The following UTP4 variants were observed in gnomAD, a reference collection of about 807,000 sequenced individuals.
UTP4 encodes the protein UTP4 small subunit processome component.
In UTP4, 45 loss-of-function variants were observed where a neutral mutation model predicts 82.4. The observed-to-expected ratio is 0.55, with a 90% CI of 0.43 to 0.70. The LOEUF (loss-of-function observed/expected upper bound fraction) is 0.70. Among genes scored for constraint, UTP4 ranks in the 30% least tolerant of loss-of-function variants. UTP4 has a pLI of 0.00. For synonymous variants in UTP4, 348 were observed against 300.3 expected (o/e 1.16, Z -1.64); for missense variants, 819 against 858.3 (o/e 0.95, Z 0.57).
intron 6 of UTP4, 46 bp downstream of exon 6, chr16:69,143,435 G>A: frequency 1.3e-6 from 2 of 1,556,604 alleles, no homozygotes; most frequent in Admixed American, 3.4e-5. Flanking sequence ...ACCCTTGTGG[G>A]GTGAGTTGAG....
At chr16:69,163,431 A>G (rs1268171079) in intron 14 of UTP4, among the ~76,000 whole-genome samples, 2 of 152,044 alleles carry the variant, frequency 1.3e-5, no homozygotes, top group East Asian at 3.9e-4. Flanking sequence ...AGGGAGGAGG[A>G]ATTTTGAAGT....
At chr16:69,159,865 G>A (rs938701363) in intron 12 of UTP4, among the ~76,000 whole-genome samples, 2 of 151,970 alleles carry the variant, frequency 1.3e-5, no homozygotes, top group African/African-American at 4.8e-5. Flanking sequence ...GTGGGTGCCT[G>A]TAATCCCAGC....
At chr16:69,158,350 G>A (rs752927754) in intron 12 of UTP4, among the ~76,000 whole-genome samples, 1 of 151,194 alleles carries the variant, frequency 6.6e-6, no homozygotes, top group Non-Finnish European at 1.5e-5. Context: ...TTTTTGTAGA[G>A]ACAGGGTTTC....
intron 5 of UTP4, among the ~76,000 whole-genome samples, chr16:69,140,444 G>T (rs117573633): frequency 6.6e-6 from 1 of 152,084 alleles, no homozygotes; most frequent in Non-Finnish European, 1.5e-5. Context: ...GGCTGGGCGC[G>T]GTGGCTCATG....
chr16:69,146,697 C>T (rs977116299), intron 6 of UTP4, among the ~76,000 whole-genome samples: 12 of 151,124 alleles, frequency 7.9e-5, no homozygotes, highest in Admixed American at 2.6e-4. Flanking sequence ...CCTGTCTCTA[C>T]TAAAAATACA....
intron 6 of UTP4, among the ~76,000 whole-genome samples, chr16:69,144,329 G>A (rs1161857988): frequency 6.6e-6 from 1 of 152,020 alleles, no homozygotes; most frequent in African/African-American, 2.4e-5. Flanking sequence ...CTCCGAAGTA[G>A]GTGAGATTAC....
chr16:69,165,194 C>CAAA, intron 14 of UTP4, 147 bp from the exon 15 acceptor site: 20 of 590,472 alleles, frequency 3.4e-5, no homozygotes, highest in Non-Finnish European at 4.3e-5. Context: ...GACTCCATCT[C>CAAA]AAAAAAAAAA....
chr16:69,150,221 G>C (rs1337631826), intron 6 of UTP4, among the ~76,000 whole-genome samples: 1 of 152,102 alleles, frequency 6.6e-6, no homozygotes, highest in African/African-American at 2.4e-5. Context: ...TTCTTTCGAA[G>C]GATTTAAATT....
In UTP4 at chr16:69,165,484, T is replaced by C; in HGVS notation, c.1791T>C (p.Leu597=). Residue 597 remains leucine (L), a synonymous_variant, in exon 15 of 17, where the codon CTT becomes CTC. Transcript: ENST00000314423. ...ATCCCAAGAGACCGATGCACATCCT[T>C]CTCCATGATGCCTACATGTTCTGCA... ...SFHPKRPMHI[L]LHDAYMFCII... is the part of the protein sequence containing the mutation. 1 of 1,614,154 alleles carries C rather than the reference T, an allele frequency of 6.2e-7. No individual in the cohort carries two copies. The highest frequency in any genetic ancestry group is 1.1e-5 in the South Asian group (1 of 91,086).
chr16:69,138,064 G>A, intron 4 of UTP4, 179 bp downstream of exon 4: 6 of 597,470 alleles, frequency 1.0e-5, no homozygotes, highest in Admixed American at 9.1e-5. Context: ...TAGCATAGTT[G>A]TGACTGCTTG....
At chr16:69,135,280 C>G (rs899892060) in intron 2 of UTP4, among the ~76,000 whole-genome samples, 2 of 152,078 alleles carry the variant, frequency 1.3e-5, no homozygotes, top group African/African-American at 4.8e-5. Flanking sequence ...ATTTTCTTTT[C>G]TCCTTCATCT....
chr16:69,149,243 G>T (rs540360417), intron 6 of UTP4, among the ~76,000 whole-genome samples: 6 of 152,192 alleles, frequency 3.9e-5, no homozygotes, highest in African/African-American at 1.4e-4. Context: ...AACCAGGCAT[G>T]GTGGCGCACG....
Position 69,153,618 on chromosome 16 carries a change from T to G in UTP4, c.1037T>G (p.Leu346Arg). Residue 346 changes from leucine (L) to arginine (R), a missense_variant, in exon 9 of 17, where the codon CTT becomes CGT. Coordinates refer to ENST00000314423, the MANE Select transcript of UTP4 (RefSeq NM_032830.3). ...ATCTCCTGTTCTAAAAAGAGGCAGC[T>G]TCTCCTCTTCCAGTTTGCTCATCAC... ...CLISCSKKRQ[L>R]LLFQFAHHLE... 5 of 1,613,610 alleles carry G rather than the reference T, an allele frequency of 3.1e-6. No homozygotes were observed. Among genetic ancestry groups the G allele is most frequent in the Non-Finnish European group, 4.2e-6 (5 of 1,179,754 alleles).
intron 8 of UTP4, among the ~76,000 whole-genome samples, chr16:69,153,201 C>T (rs560016747): frequency 4.7e-4 from 71 of 152,318 alleles, no homozygotes; most frequent in Non-Finnish European, 9.1e-4. Context: ...CTGCCTCCTT[C>T]GCCTGACTGG....
chr16:69,154,502 A>T (rs760664078), intron 10 of UTP4, 45 bp downstream of exon 10: 2 of 1,362,064 alleles, frequency 1.5e-6, no homozygotes, highest in Non-Finnish European at 2.1e-6. Flanking sequence ...CCTGAATTCT[A>T]GGCTCATAAT....
intron 6 of UTP4, 143 bp from the exon 7 acceptor site, chr16:69,150,394 G>A: frequency 1.1e-6 from 1 of 934,570 alleles, no homozygotes; most frequent in East Asian, 2.4e-5. Flanking sequence ...CTTAGCTTCT[G>A]GAAGGAAAAG....
At chr16:69,147,735 G>A (rs2152279506) in intron 6 of UTP4, among the ~76,000 whole-genome samples, 1 of 152,238 alleles carries the variant, frequency 6.6e-6, no homozygotes, top group East Asian at 1.9e-4. Flanking sequence ...CACATAGCCT[G>A]ACGGTAGTTT....
intron 2 of UTP4, among the ~76,000 whole-genome samples, chr16:69,134,072 G>T (rs1266640764): frequency 6.6e-6 from 1 of 152,170 alleles, no homozygotes; most frequent in Admixed American, 6.5e-5. Flanking sequence ...AGAGAATGTA[G>T]ACCTACATGT....
At chr16:69,165,664 C>A (rs963034020) in intron 15 of UTP4, 138 bp downstream of exon 15, 89 of 776,314 alleles carry the variant, frequency 1.1e-4, no homozygotes, top group African/African-American at 9.8e-4. Context: ...TAGTACATTT[C>A]TTGGAGGAGA....
Sources: allele counts gnomAD v4.1 joint callset (sites outside exome capture counted in the v4.1 genomes callset), GRCh38; gene constraint gnomAD v4.1.1; transcripts MANE v1.5; gene names NCBI Gene and HGNC (gene_info 2026-07-23, HGNC 2026-07-21).